Variants in TTC21B observed in about 807,000 individuals in gnomAD.
TTC21B encodes tetratricopeptide repeat domain 21B.
TTC21B carries 127 observed loss-of-function variants against 175.1 expected under a neutral mutation model. The observed-to-expected ratio is 0.73, with a 90% confidence interval of 0.63 to 0.84. The LOEUF is 0.84. Ranked by LOEUF, TTC21B falls within the 40% of genes least tolerant of loss-of-function variation. The pLI, the probability that TTC21B is intolerant of heterozygous loss-of-function variation, is 0.00. For missense variants in TTC21B, 1,561 were observed against 1,558.3 expected, an observed-to-expected ratio of 1.00 and a Z score of -0.03; for synonymous variants, 524 against 524.5, an observed-to-expected ratio of 1.00 and a Z score of 0.01.
At chr2:165,901,608 C>A (rs1685560421) in intron 20 of TTC21B, 114 bp downstream of exon 20, 2 of 1,016,274 alleles carry the variant, frequency 2.0e-6, no homozygotes, top group South Asian at 1.3e-5. Context: ...TAGGCATCAG[C>A]CACTGCACCC....
intron 18 of TTC21B, among the ~76,000 whole-genome samples, chr2:165,908,168 C>G (rs954598017): frequency 6.6e-6 from 1 of 152,094 alleles, no homozygotes; most frequent in Non-Finnish European, 1.5e-5. Flanking sequence ...TTTTAAAAAT[C>G]ATAGATATTT....
chr2:165,953,379 A>G (rs1319067794), intron 1 of TTC21B, among the ~76,000 whole-genome samples: 1 of 152,232 alleles, frequency 6.6e-6, no homozygotes, highest in Non-Finnish European at 1.5e-5. Context: ...GCGCAGTGTC[A>G]TAGGTAACCC....
chr2:165,880,733 C>T lies in TTC21B; in HGVS notation c.3751G>A (p.Ala1251Thr). 6.2e-7 allele frequency: 1 copy of T among 1,613,482 alleles called. No homozygotes were observed. Among genetic ancestry groups the T allele is most frequent in the Non-Finnish European group, 8.5e-7 (1 of 1,179,742 alleles). ...MEKEQAYTDA[A>T]LNYEMAWKYS... ...TTCCATGCCATCTCATAGTTCAAGG[C>T]AGCATCTGTATATGCTTGCTCTTTT... The change falls in exon 27 of 29, where the codon GCC becomes ACC. Residue 1251 changes from alanine (A) to threonine (T), a missense_variant. Coordinates refer to ENST00000243344, the MANE Select transcript of TTC21B (RefSeq NM_024753.5).
intron 19 of TTC21B, among the ~76,000 whole-genome samples, chr2:165,906,254 T>TAAAAAAAAAA (rs1163343694): frequency 4.4e-5 from 2 of 45,320 alleles, no homozygotes; most frequent in African/African-American, 9.5e-5. Flanking sequence ...TTCAAGAGGC[T>TAAAAAAAAAA]AAAAAAAAAA....
intron 25 of TTC21B, among the ~76,000 whole-genome samples, chr2:165,887,666 G>A (rs1685052262): frequency 2.0e-5 from 3 of 151,732 alleles, no homozygotes; most frequent in South Asian, 4.2e-4. Context: ...CAGCCTGGGC[G>A]ACAAGAGCAA....
chr2:165,916,420 CAA>C (rs1479881219), intron 14 of TTC21B, among the ~76,000 whole-genome samples: 2 of 152,154 alleles, frequency 1.3e-5, no homozygotes, highest in African/African-American at 4.8e-5. Flanking sequence ...TCATTTTCTA[CAA>C]AGTTGTAATT....
intron 14 of TTC21B, among the ~76,000 whole-genome samples, chr2:165,916,116 A>G (rs1470704242): frequency 6.6e-6 from 1 of 152,174 alleles, no homozygotes; most frequent in Non-Finnish European, 1.5e-5. Context: ...GACCCTCTAC[A>G]AAATATTTTA....
chr2:165,896,311 C>T (rs532656688), intron 22 of TTC21B, among the ~76,000 whole-genome samples: 13 of 152,082 alleles, frequency 8.5e-5, no homozygotes, highest in Non-Finnish European at 1.2e-4. Context: ...TCCCTCCATC[C>T]CTGCTTCCCT....
At chr2:165,911,207 A>C (rs1210306883) in intron 18 of TTC21B, 120 bp downstream of exon 18, 3 of 1,231,854 alleles carry the variant, frequency 2.4e-6, no homozygotes, top group Non-Finnish European at 3.5e-6. Flanking sequence ...AAAAATACGC[A>C]TGTATTTATA....
chr2:165,904,554 G>T (rs1685667332), intron 19 of TTC21B, among the ~76,000 whole-genome samples: 2 of 152,210 alleles, frequency 1.3e-5, no homozygotes, highest in African/African-American at 4.8e-5. Flanking sequence ...GGGTACACAG[G>T]AATCTAGTCA....
chr2:165,930,144 TAA>T, intron 9 of TTC21B, 26 bp downstream of exon 9: 1 of 1,599,196 alleles, frequency 6.3e-7, no homozygotes, highest in Non-Finnish European at 8.6e-7. Context: ...ATCTATATTA[TAA>T]ATATTTATGA....
intron 20 of TTC21B, among the ~76,000 whole-genome samples, chr2:165,900,603 T>A (rs1307070596): frequency 6.6e-6 from 1 of 152,196 alleles, no homozygotes; most frequent in Non-Finnish European, 1.5e-5. Flanking sequence ...CTATATGAGG[T>A]CATAGATTGA....
chr2:165,935,986 C>T (rs1553514983), intron 6 of TTC21B, among the ~76,000 whole-genome samples: 1 of 151,754 alleles, frequency 6.6e-6, no homozygotes, highest in African/African-American at 2.4e-5. Context: ...TACAGATTAG[C>T]AAAAAAACAC....
chr2:165,929,524 G>A (rs1279125310), intron 10 of TTC21B, 126 bp downstream of exon 10: 5 of 873,048 alleles, frequency 5.7e-6, no homozygotes, highest in Non-Finnish European at 9.1e-6. Context: ...GTAAATAAAT[G>A]CAATTACATA....
intron 18 of TTC21B, among the ~76,000 whole-genome samples, chr2:165,909,534 A>G (rs1685858323): frequency 1.3e-5 from 2 of 152,166 alleles, no homozygotes; most frequent in South Asian, 4.1e-4. Context: ...CTAGAAGAAA[A>G]TAAGATATAT....
chr2:165,944,389 G>T (rs372082410), intron 4 of TTC21B, among the ~76,000 whole-genome samples: 1 of 152,044 alleles, frequency 6.6e-6, no homozygotes, highest in African/African-American at 2.4e-5. Context: ...ATCCTAATAC[G>T]TGACAACTTG....
At chr2:165,948,305 CT>C (rs561228715) in intron 3 of TTC21B, 1 of 152,122 alleles carries the variant, frequency 6.6e-6, no homozygotes, top group Non-Finnish European at 1.5e-5. Context: ...GGAATTTAAT[CT>C]TTGTGTTTTT....
Position 165,915,301 on chromosome 2 carries a change from C to T in TTC21B, c.2038G>A (p.Val680Ile). 6.2e-7 allele frequency: 1 copy of T among 1,614,070 alleles called. No individual in the cohort carries two copies. The highest frequency in any genetic ancestry group is 8.5e-7 in the Non-Finnish European group (1 of 1,179,996). The change falls in exon 15 of 29, where the codon GTT becomes ATT. Residue 680 changes from valine (V) to isoleucine (I), a missense_variant. Val to Ile is a conservative substitution (Grantham distance 29). Transcript: ENST00000243344. ...ATAAAATAAGGCTGTTCGGCTGTAA[C>T]ATTCTGAAGGATGCTTAAAGCCCGT... ...IERALSILQN[V>I]TAEQPYFIEA...
Position 165,874,816 on chromosome 2 carries a change from G to T in TTC21B, c.3890C>A (p.Pro1297Gln), listed in dbSNP as rs770088792. ...DICHQVLEAH[P>Q]TYPKIRKDIL... ...ATCCTTTCTGATTTTTGGATAAGTT[G>T]GATGTGCTTCAAGAACCTGCAAAAC... Residue 1297 changes from proline (P) to glutamine (Q), a missense_variant, in exon 29 of 29, where the codon CCA (proline) becomes CAA (glutamine). By Grantham distance (76) the Pro-to-Gln change is moderately conservative. Coordinates refer to ENST00000243344, the MANE Select transcript of TTC21B (RefSeq NM_024753.5). 1.2e-6 allele frequency: 2 copies of T among 1,613,618 alleles called. No individual in the cohort carries two copies. Among genetic ancestry groups the T allele is most frequent in the East Asian group, 4.5e-5 (2 of 44,772 alleles).
Sources: gnomAD v4.1 joint callset for allele counts (sites outside exome capture counted in the v4.1 genomes callset) on GRCh38, gnomAD v4.1.1 for gene constraint, MANE v1.5 for transcripts, NCBI Gene and HGNC (gene_info 2026-07-23, HGNC 2026-07-21) for gene names.